MYPN: variants seen among roughly 807,000 people sequenced by gnomAD.
The protein encoded by MYPN is myopalladin, also known as sarcomeric protein myopalladin, 145 kDa (MYOP).
MYPN carries 63 observed loss-of-function variants against 129.4 expected under a neutral mutation model. The observed-to-expected ratio is 0.49, with a 90% confidence interval of 0.40 to 0.60. The LOEUF (loss-of-function observed/expected upper bound fraction) is 0.60. Among genes scored for constraint, MYPN ranks in the 20% least tolerant of loss-of-function variants. The pLI, the probability that MYPN is intolerant of heterozygous loss-of-function variation, is 0.00. For synonymous variants in MYPN, 629 were observed against 600.9 expected (o/e 1.05, Z -0.68); for missense variants, 1,596 against 1,635.4 (o/e 0.98, Z 0.42).
intron 14 of MYPN, 38 bp downstream of exon 14, chr10:68,194,550 G>A (rs1372270874): frequency 5.6e-6 from 9 of 1,607,840 alleles, no homozygotes; most frequent in Non-Finnish European, 7.7e-6. Context: ...TGCACTCTGA[G>A]GAAGGAGCGG....
At chr10:68,141,573 A>G (rs1485645411) in intron 2 of MYPN, among the ~76,000 whole-genome samples, 1 of 152,194 alleles carries the variant, frequency 6.6e-6, no homozygotes, top group Non-Finnish European at 1.5e-5. Flanking sequence ...GAAAAAATGT[A>G]AAAGGGTACA....
intron 13 of MYPN, among the ~76,000 whole-genome samples, chr10:68,189,434 C>T (rs1025799410): frequency 2.6e-5 from 4 of 152,138 alleles, no homozygotes; most frequent in African/African-American, 9.7e-5. Flanking sequence ...AATTTTTCCA[C>T]TGTGCTATCA....
chr10:68,143,602 G>A (rs1354550445), intron 3 of MYPN, among the ~76,000 whole-genome samples: 1 of 152,062 alleles, frequency 6.6e-6, no homozygotes, highest in Non-Finnish European at 1.5e-5. Context: ...GGTAAGATGG[G>A]GTGGAAGTGG....
At position 68,165,836 on chromosome 10, in the gene MYPN, C is replaced by T. The variant is rs1299411417; in HGVS notation, c.1600+18C>T. 2 of 1,584,202 alleles carry T rather than the reference C, an allele frequency of 1.3e-6. No homozygotes were observed. Among genetic ancestry groups the T allele is most frequent in the Non-Finnish European group, 8.7e-7 (1 of 1,152,810 alleles). ...CGTGAGAGGTAAGGACTCTTTAATG[C>T]TAGAACAGTTTAGCCTATGACTTTG... On this transcript the variant is annotated intron_variant, in intron 9 of 19. Coordinates refer to ENST00000358913, the MANE Select transcript of MYPN (RefSeq NM_032578.4).
rs184347775 is a variant in MYPN, at chr10:68,206,845, G to A, written c.3735G>A (p.Thr1245=). Residue 1245 remains threonine (T), a synonymous_variant, in exon 19 of 20, where the codon ACG becomes ACA. Transcript: ENST00000358913. ...PAKKSDAGWY[T]LSAKNEAGIV... ...AGAAATCAGACGCTGGATGGTACAC[G>A]TTGTCAGCCAAGAATGAAGCCGGCA... 3.2e-5 allele frequency: 51 copies of A among 1,614,206 alleles called. No individual in the cohort carries two copies. The highest frequency in any genetic ancestry group is 3.8e-5 in the Non-Finnish European group (45 of 1,180,034).
Position 68,210,624 on chromosome 10 carries a change from G to A in MYPN, c.*169G>A, listed in dbSNP as rs1460924239. ...GCTAGGGATTCTTGCAGTCTCAGCT[G>A]AGGGAGAAAGGTAGGGCTGTGCCTT... On this transcript the variant is annotated 3_prime_UTR_variant, in exon 20 of 20. Coordinates refer to ENST00000358913, the MANE Select transcript of MYPN (RefSeq NM_032578.4). 1.3e-6 allele frequency: 1 copy of A among 767,700 alleles called. No individual in the cohort carries two copies. The highest frequency in any genetic ancestry group is 1.4e-5 in the South Asian group (1 of 69,870). The allele number at this position is 767,700 out of a possible 1,614,324, so 47.6% of individuals were successfully genotyped here. A position where few individuals can be genotyped will look rare whatever the true frequency, so the allele number is the denominator to read the frequency against.
At chr10:68,194,748 A>G (rs1437792787) in intron 14 of MYPN, among the ~76,000 whole-genome samples, 5 of 152,176 alleles carry the variant, frequency 3.3e-5, no homozygotes, top group African/African-American at 1.2e-4. Flanking sequence ...TTTTTTCACT[A>G]TGTATACCTT....
Position 68,136,216 on chromosome 10 carries a change from T to G in MYPN, c.903-6724T>G, listed in dbSNP as rs1029767040. On this transcript the variant is annotated intron_variant, in intron 2 of 19. Transcript: ENST00000358913. ...CTTCCTTCTTTCTTCCCAGGCTTGC[T>G]AGCTAGCCAAATGAGCAGATCTGGC... 5.1e-6 allele frequency: 5 copies of G among 986,068 alleles called. No individual in the cohort carries two copies. In the African/African-American group the frequency reaches 8.7e-5, roughly 17 times the overall value. 61.1% of individuals were successfully genotyped at this position (986,068 alleles called of 1,614,324 possible).
chr10:68,155,094 T>G (rs1300339607), intron 6 of MYPN, among the ~76,000 whole-genome samples: 2 of 151,978 alleles, frequency 1.3e-5, no homozygotes, highest in African/African-American at 2.4e-5. Context: ...GGCAGGAGAA[T>G]CACTTGAACC....
intron 1 of MYPN, among the ~76,000 whole-genome samples, chr10:68,118,731 G>A (rs567904282): frequency 6.6e-6 from 1 of 152,040 alleles, no homozygotes; most frequent in Non-Finnish European, 1.5e-5. Context: ...CTACTTGGGA[G>A]GTTGAGGAGG....
At chr10:68,088,050 A>G (rs931014965) in intron 1 of MYPN, among the ~76,000 whole-genome samples, 2 of 152,210 alleles carry the variant, frequency 1.3e-5, no homozygotes. Context: ...TCTTAAGGGG[A>G]TGTCCAGATA....
rs576373869 is a variant in MYPN, at chr10:68,210,806, G to T, written c.*351G>T. Reference sequence around the variant, plus strand: ...TACTAGGAGCAATTAGGAGCCATATGCCTGGGCTGAGAAGAGCTAGGCAGT... The same window carrying T: ...TACTAGGAGCAATTAGGAGCCATATTCCTGGGCTGAGAAGAGCTAGGCAGT... On this transcript the variant is annotated 3_prime_UTR_variant, in exon 20 of 20. Coordinates refer to ENST00000358913, the MANE Select transcript of MYPN (RefSeq NM_032578.4). 10 of 467,926 alleles carry T rather than the reference G, an allele frequency of 2.1e-5. No individual in the cohort carries two copies. The highest frequency in any genetic ancestry group is 1.5e-4 in the South Asian group (10 of 64,568). The allele number at this position is 467,926 out of a possible 1,614,324, so 29.0% of individuals were successfully genotyped here. A position where few individuals can be genotyped will look rare whatever the true frequency, so the allele number is the denominator to read the frequency against.
At chr10:68,149,018 G>A (rs1332277070) in intron 5 of MYPN, among the ~76,000 whole-genome samples, 2 of 152,064 alleles carry the variant, frequency 1.3e-5, no homozygotes, top group Non-Finnish European at 2.9e-5. Flanking sequence ...TTGAGTCCAG[G>A]AGTTTGAGAC....
chr10:68,136,646 C>T lies in MYPN; in HGVS notation c.903-6294C>T, dbSNP rs116342006. 4.9e-3 allele frequency: 7,456 copies of T among 1,534,488 alleles called. 289 individuals are homozygous for T. In the African/African-American group the frequency reaches 0.086, roughly 18 times the overall value. ...CATCTGAGTAAGGACAAAAACACTT[C>T]TGACAGAGAGTTTGGGCATTTGAAT... On this transcript the variant is annotated intron_variant, in intron 2 of 19. Transcript: ENST00000358913.
intron 19 of MYPN, among the ~76,000 whole-genome samples, chr10:68,209,843 T>G (rs2134354290): frequency 6.6e-6 from 1 of 152,122 alleles, no homozygotes; most frequent in African/African-American, 2.4e-5. Flanking sequence ...TACAGGTGTA[T>G]GCCACCATGC....
In MYPN at chr10:68,121,863, C is replaced by G; in HGVS notation, c.425C>G (p.Ser142Cys). The G allele has an allele frequency of 1.2e-6, 2 of 1,614,182 alleles. No individual in the cohort carries two copies. Among genetic ancestry groups the G allele is most frequent in the Non-Finnish European group, 1.7e-6 (2 of 1,180,034 alleles). ...GAGGCAAAAAGGCCACAGTATTGTT[C>G]TGAAACCCAGTCCAAAAAAGTATTT... The part of the protein sequence containing the change: ...PQEAKRPQYC[S>C]ETQSKKVFLN... Residue 142 changes from serine to cysteine, a missense_variant, in exon 2 of 20, where the codon TCT (serine) becomes TGT (cysteine). Coordinates refer to ENST00000358913, the MANE Select transcript of MYPN (RefSeq NM_032578.4).
intron 2 of MYPN, among the ~76,000 whole-genome samples, chr10:68,135,288 G>C (rs748886112): frequency 6.6e-6 from 1 of 152,078 alleles, no homozygotes; most frequent in Admixed American, 6.6e-5. Context: ...TTAAAACATA[G>C]ACATATCCTC....
intron 1 of MYPN, among the ~76,000 whole-genome samples, chr10:68,097,891 G>A (rs1039993900): frequency 2.6e-5 from 4 of 152,124 alleles, no homozygotes; most frequent in Non-Finnish European, 5.9e-5. Flanking sequence ...CAAAAGAGGT[G>A]ATGTCCCTTT....
chr10:68,130,200 C>T (rs1331704873), intron 2 of MYPN, among the ~76,000 whole-genome samples: 1 of 152,160 alleles, frequency 6.6e-6, no homozygotes, highest in Non-Finnish European at 1.5e-5. Context: ...TGGCTCACGC[C>T]TGTAATCCCA....
Sources: gnomAD v4.1 joint callset for allele counts (sites outside exome capture counted in the v4.1 genomes callset) on GRCh38, gnomAD v4.1.1 for gene constraint, MANE v1.5 for transcripts, NCBI Gene and HGNC (gene_info 2026-07-23, HGNC 2026-07-21) for gene names.